The following MDGA1 variants were observed in gnomAD, a reference collection of about 807,000 sequenced individuals.
MDGA1 encodes MAM domain containing glycosylphosphatidylinositol anchor 1.
A neutral mutation model predicts 101.5 loss-of-function variants in MDGA1; 54 were observed. The observed-to-expected ratio is 0.53, with a 90% CI of 0.43 to 0.67. MDGA1 has a LOEUF of 0.67. Among genes scored for constraint, MDGA1 ranks in the 30% least tolerant of loss-of-function variants. The pLI, the probability that MDGA1 is intolerant of heterozygous loss-of-function variation, is 0.00. For missense variants in MDGA1, 1,083 were observed against 1,323.8 expected (o/e 0.82, Z 2.82); for synonymous variants, 533 against 558.3 (o/e 0.95, Z 0.64).
chr6:37,694,333 G>A (rs1451384516), intron 1 of MDGA1, among the ~76,000 whole-genome samples: 2 of 152,192 alleles, frequency 1.3e-5, no homozygotes, highest in East Asian at 1.9e-4. Flanking sequence ...GACTTCTCAT[G>A]GAGAAAGAAT....
chr6:37,632,090 G>C lies in MDGA1; in HGVS notation c.*5278C>G, dbSNP rs1763832003. The C allele has an allele frequency of 6.6e-6, 1 of 152,136 alleles. No individual in the cohort carries two copies. The highest frequency in any genetic ancestry group is 1.5e-5 in the Non-Finnish European group (1 of 68,044). 9.4% of individuals were successfully genotyped at this position (152,136 alleles called of 1,614,324 possible). ...CAGAAGCCTCTCCCAATCCCAACAGGCTAACTCCAATCATTCTGTCTCTCC... is the reference window on the plus strand; with the variant it reads ...CAGAAGCCTCTCCCAATCCCAACAGCCTAACTCCAATCATTCTGTCTCTCC... On this transcript the variant is annotated 3_prime_UTR_variant, in exon 17 of 17. Transcript: ENST00000434837.
chr6:37,643,973 C>T, intron 13 of MDGA1, 30 bp from the exon 14 acceptor site: 1 of 1,610,972 alleles, frequency 6.2e-7, no homozygotes, highest in East Asian at 2.2e-5. Context: ...GCGCCAACAG[C>T]CCCCAAGACA....
intron 1 of MDGA1, chr6:37,664,348 T>G: frequency 2.0e-6 from 1 of 510,074 alleles, no homozygotes; most frequent in Non-Finnish European, 3.5e-6. Flanking sequence ...GCTGTGCTTT[T>G]CAGTGGGCTG....
At chr6:37,693,433 G>A (rs890487275) in intron 1 of MDGA1, among the ~76,000 whole-genome samples, 2 of 152,266 alleles carry the variant, frequency 1.3e-5, no homozygotes, top group Non-Finnish European at 2.9e-5. Context: ...AGTAGTTTCT[G>A]ATGACACCTT....
At chr6:37,657,714 C>T (rs964467745) in intron 3 of MDGA1, among the ~76,000 whole-genome samples, 4 of 152,178 alleles carry the variant, frequency 2.6e-5, no homozygotes, top group Admixed American at 2.0e-4. Context: ...AAAACAGGCT[C>T]CTCGGGCTAA....
At position 37,647,220 on chromosome 6, in the gene MDGA1, GCTCCCT is replaced by G. The variant is rs1477898292; in HGVS notation, c.1993_1998del (p.Arg665_Glu666del). 1 of 1,594,348 alleles carries G rather than the reference GCTCCCT, an allele frequency of 6.3e-7. No individual in the cohort carries two copies. Among genetic ancestry groups the G allele is most frequent in the East Asian group, 2.3e-5 (1 of 44,074 alleles). Reference sequence around the variant, plus strand: ...TTGAGCACAGGGTCGACAGCGTCGGGCTCCCTCTGAGTCCACTGCAGCACGTAGGAG... The same window carrying G: ...TTGAGCACAGGGTCGACAGCGTCGGGCTGAGTCCACTGCAGCACGTAGGAG... On this transcript the variant is annotated inframe_deletion, in exon 10 of 17. Coordinates refer to ENST00000434837, the MANE Select transcript of MDGA1 (RefSeq NM_153487.4).
intron 1 of MDGA1, among the ~76,000 whole-genome samples, chr6:37,693,607 GC>G (rs1762358456): frequency 6.6e-6 from 1 of 152,238 alleles, no homozygotes; most frequent in Non-Finnish European, 1.5e-5. Context: ...AGGAGCAGAA[GC>G]CGGGACAGAA....
At chr6:37,640,145 C>A (rs1764031308) in intron 14 of MDGA1, among the ~76,000 whole-genome samples, 1 of 152,120 alleles carries the variant, frequency 6.6e-6, no homozygotes, top group Admixed American at 6.5e-5. Flanking sequence ...CCTAGGAAGA[C>A]TTCTGGAGGA....
chr6:37,689,077 C>T (rs1762255958), intron 1 of MDGA1, among the ~76,000 whole-genome samples: 2 of 152,166 alleles, frequency 1.3e-5, no homozygotes, highest in South Asian at 4.1e-4. Context: ...GCTGCAGCTG[C>T]CCCGAGCTCC....
At chr6:37,656,997 C>A (rs1212931583) in intron 3 of MDGA1, among the ~76,000 whole-genome samples, 2 of 152,048 alleles carry the variant, frequency 1.3e-5, no homozygotes, top group Non-Finnish European at 1.5e-5. Flanking sequence ...GATTGCCTCC[C>A]AGGGGGGAAT....
At chr6:37,650,652 C>A (rs1761340488) in intron 7 of MDGA1, among the ~76,000 whole-genome samples, 1 of 152,194 alleles carries the variant, frequency 6.6e-6, no homozygotes, top group African/African-American at 2.4e-5. Flanking sequence ...GCCTATATTC[C>A]TTCTTCCCCA....
intron 6 of MDGA1, among the ~76,000 whole-genome samples, chr6:37,653,161 G>A (rs188452210): frequency 1.2e-3 from 183 of 152,274 alleles, no homozygotes; most frequent in African/African-American, 4.1e-3. Flanking sequence ...TGGGAAAGGC[G>A]GGCTCTACAG....
intron 2 of MDGA1, 74 bp from the exon 3 acceptor site, chr6:37,658,493 C>T: frequency 7.1e-7 from 1 of 1,408,070 alleles, no homozygotes; most frequent in Non-Finnish European, 9.6e-7. Flanking sequence ...GAGTGCCCTG[C>T]AACGGCACCC....
Position 37,654,769 on chromosome 6 carries a change from G to C in MDGA1, c.712+31C>G, listed in dbSNP as rs1388593707. On this transcript the variant is annotated intron_variant, in intron 5 of 16. Transcript: ENST00000434837. ...CCTGGTTGGGAGTTAGCTCAGGTAGGGAAGGAGTATGGGGAGGAAAATGCC... is the reference window on the plus strand; with the variant it reads ...CCTGGTTGGGAGTTAGCTCAGGTAGCGAAGGAGTATGGGGAGGAAAATGCC... The C allele has an allele frequency of 1.9e-6, 3 of 1,612,784 alleles. No individual in the cohort carries two copies. The Admixed American group carries it at 5.0e-5, about 27-fold the overall frequency.
intron 2 of MDGA1, among the ~76,000 whole-genome samples, chr6:37,658,630 G>A (rs925603593): frequency 6.6e-6 from 1 of 152,214 alleles, no homozygotes; most frequent in African/African-American, 2.4e-5. Context: ...GGGGAATCCG[G>A]GATCAGAGGG....
intron 1 of MDGA1, among the ~76,000 whole-genome samples, chr6:37,675,831 CTG>C: frequency 6.6e-6 from 1 of 152,352 alleles, no homozygotes; most frequent in Admixed American, 6.5e-5. Flanking sequence ...GACCCCATCA[CTG>C]TGGTTCACTT....
intron 1 of MDGA1, among the ~76,000 whole-genome samples, chr6:37,671,460 A>T (rs1761867338): frequency 6.6e-6 from 1 of 152,234 alleles, no homozygotes; most frequent in African/African-American, 2.4e-5. Flanking sequence ...CCCTTAGTTA[A>T]GAACAGCCAA....
intron 9 of MDGA1, chr6:37,648,688 T>C (rs560873831): frequency 3.8e-6 from 2 of 527,718 alleles, no homozygotes; most frequent in African/African-American, 2.0e-5. Context: ...GGTATAGGCA[T>C]AGGCGGGCCT....
In MDGA1 at chr6:37,670,930, G is replaced by T. The variant is rs1761855886; in HGVS notation, c.68-6824C>A. ...CCAGGCCTTCCACCTGCTAACTTGG[G>T]ACTCTGTTCATTGTCCCCAGGAATT... On this transcript the variant is annotated intron_variant, in intron 1 of 16. Coordinates refer to ENST00000434837, the MANE Select transcript of MDGA1 (RefSeq NM_153487.4). Among the ~76,000 whole-genome samples, 6 of 152,302 alleles carry T rather than the reference G, an allele frequency of 3.9e-5. No individual in the cohort carries two copies. In the South Asian group the frequency reaches 1.2e-3, roughly 32 times the overall value.
Sources: gnomAD v4.1 joint callset for allele counts (sites outside exome capture counted in the v4.1 genomes callset) on GRCh38, gnomAD v4.1.1 for gene constraint, MANE v1.5 for transcripts, NCBI Gene and HGNC (gene_info 2026-07-23, HGNC 2026-07-21) for gene names.